MAST1: variants seen among roughly 807,000 people sequenced by gnomAD.
MAST1 encodes the protein microtubule-associated serine/threonine-protein kinase 1.
In MAST1, 40 loss-of-function variants were observed where a neutral mutation model predicts 124.6. The observed-to-expected ratio is 0.32, with a 90% CI of 0.25 to 0.42. MAST1 has a LOEUF of 0.42. MAST1 is among the 10% of genes least tolerant of loss of function. The probability of loss-of-function intolerance (pLI) is 1.00; values close to 1 mark genes in which losing one functional copy is unlikely to be tolerated. For missense variants in MAST1, 1,558 were observed against 2,181.9 expected, an observed-to-expected ratio of 0.71 and a Z score of 5.70; for synonymous variants, 938 against 939.4, an observed-to-expected ratio of 1.00 and a Z score of 0.03.
In MAST1 at chr19:12,843,076, C is replaced by T. The variant is rs1187179599; in HGVS notation, c.249-453C>T. Among the ~76,000 whole-genome samples the T allele has an allele frequency of 6.6e-6, 1 of 152,110 alleles. No individual in the cohort carries two copies. Among genetic ancestry groups the T allele is most frequent in the Non-Finnish European group, 1.5e-5 (1 of 68,034 alleles). Reference sequence around the variant, plus strand: ...CCAACATTAATGGATTTGGCTGCAACAGTGACTGTGTCTGTGTGCACGAGA... The same window carrying T: ...CCAACATTAATGGATTTGGCTGCAATAGTGACTGTGTCTGTGTGCACGAGA... On this transcript the variant is annotated intron_variant, in intron 3 of 25. Transcript: ENST00000251472. This position sits in a 1 kb window ranked among gnomAD's most constrained non-coding sequence, Gnocchi z 4.9.
At chr19:12,849,076 G>A (rs552740933) in intron 7 of MAST1, 1 of 152,378 alleles carries the variant, frequency 6.6e-6, no homozygotes, top group Non-Finnish European at 1.5e-5. Flanking sequence ...GTGTATTTTT[G>A]CTTATTTTAT....
chr19:12,874,055 G>A lies in MAST1; in HGVS notation c.3898G>A (p.Gly1300Ser). ...CCCGGATTTCCGCAAGGACTTCCAT[G>A]GCGAGCTGGCGCTGCATAGCCTTGC... The part of the protein sequence containing the change: ...GHPDFRKDFH[G>S]ELALHSLAES... Residue 1300 changes from glycine (G) to serine (S), a missense_variant, in exon 26 of 26, where the codon GGC becomes AGC. Physicochemically the swap from Gly to Ser is moderately conservative, Grantham distance 56 (BLOSUM62 0). Coordinates refer to ENST00000251472, the MANE Select transcript of MAST1 (RefSeq NM_014975.3). This position sits in a 1 kb window ranked among gnomAD's most constrained non-coding sequence, Gnocchi z 6.6. 1 of 1,599,656 alleles carries A rather than the reference G, an allele frequency of 6.3e-7. No homozygotes were observed. The highest frequency in any genetic ancestry group is 1.1e-5 in the South Asian group (1 of 89,124).
Position 12,841,033 on chromosome 19 carries a change from C to A in MAST1, c.215C>A (p.Thr72Asn), listed in dbSNP as rs376680860. 5.2e-6 allele frequency: 8 copies of A among 1,534,862 alleles called. No homozygotes were observed. The highest frequency in any genetic ancestry group is 1.1e-5 in the South Asian group (1 of 89,540). Residue 72 changes from threonine (T) to asparagine (N), a missense_variant, in exon 3 of 26, where the codon ACC (threonine) becomes AAC (asparagine). Around this residue, in one of 10 missense-constraint regions of MAST1, gnomAD observed 57 missense variants for 35.3 expected, o/e 1.62. Coordinates refer to ENST00000251472, the MANE Select transcript of MAST1 (RefSeq NM_014975.3). The surrounding 1 kb of genome is among the most constrained non-coding windows in gnomAD (Gnocchi z 4.3). The part of the protein sequence containing the change: ...LDSPRNFSPN[T>N]PAHFSFASSR... ...AGCCCCCGAAACTTCTCCCCCAACA[C>A]CCCCGCCCACTTCTCGTTTGCCTCC...
At chr19:12,863,769 T>C (rs964245799) in intron 12 of MAST1, among the ~76,000 whole-genome samples, 16 of 152,110 alleles carry the variant, frequency 1.1e-4, no homozygotes, top group Non-Finnish European at 2.1e-4. Context: ...GAAATAGATA[T>C]TGAGAAACTG....
Position 12,874,814 on chromosome 19 carries a change from C to A in MAST1, c.4657C>A (p.Pro1553Thr), listed in dbSNP as rs1599595033. 10 of 1,598,294 alleles carry A rather than the reference C, an allele frequency of 6.3e-6. No individual in the cohort carries two copies. Among genetic ancestry groups the A allele is most frequent in the Non-Finnish European group, 8.5e-6 (10 of 1,169,790 alleles). Residue 1553 changes from proline to threonine, a missense_variant, in exon 26 of 26, where the codon CCC (proline) becomes ACC (threonine). Physicochemically the swap from Pro to Thr is conservative, Grantham distance 38. Transcript: ENST00000251472. This position sits in a 1 kb window ranked among gnomAD's most constrained non-coding sequence, Gnocchi z 6.6. ...LTSRCPAEAV[P>T]PAGLTKKGVS... ...CTCCCGGTGCCCTGCTGAAGCTGTG[C>A]CCCCAGCAGGCCTGACCAAAAAAGG...
intron 4 of MAST1, among the ~76,000 whole-genome samples, chr19:12,845,023 C>T (rs567692549): frequency 3.9e-5 from 6 of 151,986 alleles, no homozygotes; most frequent in East Asian, 1.9e-4. Flanking sequence ...TCATTCTGGC[C>T]GGGCGCGGTG....
At chr19:12,852,469 T>A in intron 10 of MAST1, 74 bp downstream of exon 10, 1 of 1,415,660 alleles carries the variant, frequency 7.1e-7, no homozygotes, top group Non-Finnish European at 1.0e-6. Flanking sequence ...CCGGCTTCTT[T>A]GCCCTCAGGC....
intron 10 of MAST1, among the ~76,000 whole-genome samples, chr19:12,855,820 GTTAA>G (rs1361454547): frequency 6.6e-6 from 1 of 151,978 alleles, no homozygotes; most frequent in Middle Eastern, 3.2e-3. Context: ...AATCAAACTT[GTTAA>G]TTGAGTGATT....
chr19:12,840,895 A>T (rs1366727618), intron 2 of MAST1, 96 bp from the exon 3 acceptor site: 2 of 781,018 alleles, frequency 2.6e-6, no homozygotes, highest in Non-Finnish European at 4.8e-6. Flanking sequence ...TCCCCATAAT[A>T]GGCGGGACTA....
In MAST1 at chr19:12,847,901, C is replaced by T. The variant is rs1452451592; in HGVS notation, c.618C>T (p.Pro206=). Residue 206 remains proline, a synonymous_variant, in exon 7 of 26, where the codon CCC becomes CCT. Coordinates refer to ENST00000251472, the MANE Select transcript of MAST1 (RefSeq NM_014975.3). This position sits in a 1 kb window ranked among gnomAD's most constrained non-coding sequence, Gnocchi z 5.5. ...GCGACTTTACCCGCGCCTACGAACC[C>T]GACAGCGTTCTGCCTCTGGCCGATG... The part of the protein sequence containing the change: ...KLRDFTRAYE[P]DSVLPLADGV... 2 of 1,613,712 alleles carry T rather than the reference C, an allele frequency of 1.2e-6. No individual in the cohort carries two copies. Among genetic ancestry groups the T allele is most frequent in the Non-Finnish European group, 1.7e-6 (2 of 1,179,916 alleles).
chr19:12,868,590 T>G (rs1489415037), intron 20 of MAST1, 53 bp from the exon 21 acceptor site: 1 of 1,460,036 alleles, frequency 6.8e-7, no homozygotes, highest in Non-Finnish European at 9.3e-7. Flanking sequence ...AAACAGTATG[T>G]GGGAAATCCC....
At position 12,874,262 on chromosome 19, in the gene MAST1, T is replaced by G. The variant is rs1970282538; in HGVS notation, c.4105T>G (p.Cys1369Gly). 6.3e-7 allele frequency: 1 copy of G among 1,580,726 alleles called. No homozygotes were observed. Among genetic ancestry groups the G allele is most frequent in the Non-Finnish European group, 8.6e-7 (1 of 1,168,608 alleles). The change falls in exon 26 of 26, where the codon TGC (cysteine) becomes GGC (glycine). Residue 1369 changes from cysteine to glycine, a missense_variant. By Grantham distance (159) the Cys-to-Gly change is radical. Around this residue, in one of 10 missense-constraint regions of MAST1, gnomAD observed 263 missense variants for 310.9 expected, o/e 0.85. Transcript: ENST00000251472. This position sits in a 1 kb window ranked among gnomAD's most constrained non-coding sequence, Gnocchi z 6.6. Reference protein sequence around the residue: ...EKESPGGAEACTPPRATTPGG... With the variant: ...EKESPGGAEAGTPPRATTPGG... ...GGAATCCCCGGGGGGCGCCGAGGCG[T>G]GCACCCCACCCCGCGCGACGACCCC... is the stretch of plus-strand genomic sequence containing the variant.
rs1370978212 is a variant in MAST1 at position 12,866,642 on chromosome 19, C to T, written c.2030-11C>T. The T allele has an allele frequency of 3.1e-6, 5 of 1,599,390 alleles. No individual in the cohort carries two copies. The highest frequency in any genetic ancestry group is 1.1e-5 in the South Asian group (1 of 90,330). On this transcript the variant is annotated splice_polypyrimidine_tract_variant and intron_variant, in intron 17 of 25. Transcript: ENST00000251472. The surrounding 1 kb of genome is among the most constrained non-coding windows in gnomAD (Gnocchi z 5.2). ...CCGTACCCTCAGTCACAGCCCATAC[C>T]CGCTCCCCAGCCCGCTCAGACAGGT...
In MAST1 at chr19:12,866,111, G is replaced by A; in HGVS notation, c.2029+9G>A. 1 of 1,613,814 alleles carries A rather than the reference G, an allele frequency of 6.2e-7. No homozygotes were observed. The highest frequency in any genetic ancestry group is 8.5e-7 in the Non-Finnish European group (1 of 1,180,022). On this transcript the variant is annotated intron_variant, in intron 17 of 25. Coordinates refer to ENST00000251472, the MANE Select transcript of MAST1 (RefSeq NM_014975.3). This position sits in a 1 kb window ranked among gnomAD's most constrained non-coding sequence, Gnocchi z 5.2. ...CACTAGCTACTTTGACAGTGAGCTG[G>A]GACACCAGGCACGACCTGGGTCGAG...
At position 12,840,516 on chromosome 19, in the gene MAST1, C is replaced by T; in HGVS notation, c.154C>T (p.Pro52Ser). 1 of 1,613,856 alleles carries T rather than the reference C, an allele frequency of 6.2e-7. No individual in the cohort carries two copies. The highest frequency in any genetic ancestry group is 8.5e-7 in the Non-Finnish European group (1 of 1,179,822). ...ACCCACGCTACCGAGACCCCACTCC[C>T]CGCTGCCAGGTCACCTAGGTGAGGC... Reference protein sequence around the residue: ...TSPTLPRPHSPLPGHLGSSPL... With the variant: ...TSPTLPRPHSSLPGHLGSSPL... Residue 52 changes from proline (P) to serine (S), a missense_variant, in exon 2 of 26, where the codon CCG becomes TCG. Physicochemically the swap from Pro to Ser is moderately conservative, Grantham distance 74 (BLOSUM62 -1). Coordinates refer to ENST00000251472, the MANE Select transcript of MAST1 (RefSeq NM_014975.3).
In MAST1 at chr19:12,841,059, T is replaced by A; in HGVS notation, c.241T>A (p.Ser81Thr). 2 of 1,466,790 alleles carry A rather than the reference T, an allele frequency of 1.4e-6. No homozygotes were observed. Among genetic ancestry groups the A allele is most frequent in the Non-Finnish European group, 1.9e-6 (2 of 1,045,340 alleles). 90.9% of individuals were successfully genotyped at this position (1,466,790 alleles called of 1,614,324 possible). ...NTPAHFSFASSRRADGRRWSL... is the reference protein window; with the variant it reads ...NTPAHFSFASTRRADGRRWSL... Reference sequence around the variant, plus strand: ...CCCCGCCCACTTCTCGTTTGCCTCCTCCCGAAGGTGAGTCCCTCCCCTCCA... The same window carrying A: ...CCCCGCCCACTTCTCGTTTGCCTCCACCCGAAGGTGAGTCCCTCCCCTCCA... Residue 81 changes from serine to threonine, a missense_variant, in exon 3 of 26, where the codon TCC (serine) becomes ACC (threonine). Transcript: ENST00000251472. The surrounding 1 kb of genome is among the most constrained non-coding windows in gnomAD (Gnocchi z 4.3).
At chr19:12,850,719 A>ATTTTCT (rs918712850) in intron 7 of MAST1, among the ~76,000 whole-genome samples, 9 of 151,874 alleles carry the variant, frequency 5.9e-5, no homozygotes, top group Non-Finnish European at 1.3e-4. Flanking sequence ...TCTTTATTTA[A>ATTTTCT]TTTTCTTTTT....
Position 12,874,249 on chromosome 19 carries a change from G to A in MAST1, c.4092G>A (p.Gly1364=). 1 of 1,564,344 alleles carries A rather than the reference G, an allele frequency of 6.4e-7. No homozygotes were observed. Among genetic ancestry groups the A allele is most frequent in the Non-Finnish European group, 8.6e-7 (1 of 1,159,170 alleles). ...PVSSKEKESP[G]GAEACTPPRA... ...CGAGCAAGGAGAAGGAATCCCCGGG[G>A]GGCGCCGAGGCGTGCACCCCACCCC... Residue 1364 remains glycine (G), a synonymous_variant, in exon 26 of 26, where the codon GGG becomes GGA. Coordinates refer to ENST00000251472, the MANE Select transcript of MAST1 (RefSeq NM_014975.3). The surrounding 1 kb of genome is among the most constrained non-coding windows in gnomAD (Gnocchi z 6.6).
Position 12,873,320 on chromosome 19 carries a change from G to C in MAST1, c.3264-4G>C. On this transcript the variant is annotated splice_polypyrimidine_tract_variant and splice_region_variant and intron_variant, in intron 24 of 25. Transcript: ENST00000251472. ...GGACGCTTGGCCCCCTCCCTGTCCC[G>C]CAGCAAGAAGCGCAGCTCCCTCTTC... 2 of 1,611,196 alleles carry C rather than the reference G, an allele frequency of 1.2e-6. No homozygotes were observed. Among genetic ancestry groups the C allele is most frequent in the Non-Finnish European group, 8.5e-7 (1 of 1,177,884 alleles).
Sources: gnomAD v4.1 joint callset for allele counts (sites outside exome capture counted in the v4.1 genomes callset) on GRCh38, gnomAD v4.1.1 for gene constraint, gnomAD v4.1.1 regional missense constraint, Gnocchi (gnomAD v3.1) non-coding constraint, MANE v1.5 for transcripts, NCBI Gene and HGNC (gene_info 2026-07-23, HGNC 2026-07-21) for gene names.